CCSER1: variants seen among roughly 807,000 people sequenced by gnomAD.
CCSER1 encodes the protein coiled-coil serine rich protein 1, also known as serine-rich coiled-coil domain-containing protein 1.
Under a neutral mutation model 82.0 loss-of-function variants are expected in CCSER1, and 41 were observed. That is an observed-to-expected ratio of 0.50 (90% confidence interval 0.39 to 0.65). The LOEUF (loss-of-function observed/expected upper bound fraction) is 0.65. Among genes scored for constraint, CCSER1 ranks in the 30% least tolerant of loss-of-function variants. CCSER1 has a pLI of 0.00. For missense variants in CCSER1, 1,119 were observed against 1,064.2 expected, an observed-to-expected ratio of 1.05 and a Z score of -0.72; for synonymous variants, 414 against 383.9, an observed-to-expected ratio of 1.08 and a Z score of -0.92.
intron 9 of CCSER1, among the ~76,000 whole-genome samples, chr4:91,005,097 C>G (rs1037683085): frequency 6.6e-6 from 1 of 152,158 alleles, no homozygotes; most frequent in African/African-American, 2.4e-5. Context: ...TGTTTAAACT[C>G]TGGCATCACC....
At position 90,281,044 on chromosome 4, in the gene CCSER1, C is replaced by A. The variant is rs60074969; in HGVS notation, c.-41-27200C>A. ...TCCAACTTCAAAAGTATTTTAAACACAATGGTCTCATTTTGGTTACTAGAC... is the reference window on the plus strand; with the variant it reads ...TCCAACTTCAAAAGTATTTTAAACAAAATGGTCTCATTTTGGTTACTAGAC... On this transcript the variant is annotated intron_variant, in intron 1 of 10. Transcript: ENST00000509176. 1.4e-3 allele frequency among the ~76,000 whole-genome samples: 215 copies of A among 152,072 alleles called. 2 individuals are homozygous for A. The highest frequency in any genetic ancestry group is 5.1e-3 in the African/African-American group (210 of 41,538).
At chr4:90,364,692 G>T (rs148657843) in intron 3 of CCSER1, among the ~76,000 whole-genome samples, 23 of 151,868 alleles carry the variant, frequency 1.5e-4, no homozygotes, top group African/African-American at 5.5e-4. Context: ...TTAATGTTTT[G>T]TGCCTACCAG....
intron 1 of CCSER1, among the ~76,000 whole-genome samples, chr4:90,262,512 T>C (rs1724517403): frequency 6.6e-6 from 1 of 152,172 alleles, no homozygotes; most frequent in African/African-American, 2.4e-5. Context: ...AAATTTTAAT[T>C]AGTTTTTTCC....
chr4:91,538,195 G>A (rs1348106061), intron 10 of CCSER1, among the ~76,000 whole-genome samples: 1 of 151,842 alleles, frequency 6.6e-6, no homozygotes, highest in Non-Finnish European at 1.5e-5. Context: ...TATGTATGAG[G>A]AATGAGCAAA....
chr4:90,908,356 A>AG (rs1175801309), intron 8 of CCSER1, among the ~76,000 whole-genome samples: 1 of 152,112 alleles, frequency 6.6e-6, no homozygotes, highest in African/African-American at 2.4e-5. Context: ...AATGAGTGTG[A>AG]GGAGAGTCAT....
At chr4:90,625,431 C>T (rs57663300) in intron 5 of CCSER1, among the ~76,000 whole-genome samples, 11,333 of 152,168 alleles carry the variant, frequency 0.074, 528 homozygotes, top group East Asian at 0.17. Flanking sequence ...ATGGCTGTGC[C>T]GGCCTTTGCA....
chr4:90,838,912 G>T (rs758881469), intron 8 of CCSER1: 6 of 1,613,274 alleles, frequency 3.7e-6, no homozygotes, highest in South Asian at 1.1e-5. Context: ...ATTACGATTC[G>T]CCTGCTTGCT....
Position 90,375,538 on chromosome 4 carries a change from G to A in CCSER1, c.1510-24498G>A, listed in dbSNP as rs548568507. 3.3e-5 allele frequency among the ~76,000 whole-genome samples: 5 copies of A among 152,252 alleles called. No homozygotes were observed. In the East Asian group the frequency reaches 5.8e-4, roughly 18 times the overall value. Reference sequence around the variant, plus strand: ...CCACTCCTAGATCCTTCCTCGTAGAGCAAAAGACCCTGCTGTGGCTCTCTT... The same window carrying A: ...CCACTCCTAGATCCTTCCTCGTAGAACAAAAGACCCTGCTGTGGCTCTCTT... On this transcript the variant is annotated intron_variant, in intron 3 of 10. Coordinates refer to ENST00000509176, the MANE Select transcript of CCSER1 (RefSeq NM_001145065.2).
intron 7 of CCSER1, among the ~76,000 whole-genome samples, chr4:90,746,786 T>C (rs1329951219): frequency 2.6e-5 from 4 of 152,234 alleles, no homozygotes; most frequent in Non-Finnish European, 5.9e-5. Flanking sequence ...GTCTGTTTGC[T>C]TAGATTATTC....
intron 10 of CCSER1, among the ~76,000 whole-genome samples, chr4:91,235,492 T>A (rs970010889): frequency 1.3e-5 from 2 of 152,184 alleles, no homozygotes; most frequent in Non-Finnish European, 2.9e-5. Context: ...TTTATAAAAT[T>A]GTGGACAAAG....
chr4:90,562,752 C>T (rs1778924679), intron 5 of CCSER1, among the ~76,000 whole-genome samples: 1 of 151,100 alleles, frequency 6.6e-6, no homozygotes, highest in African/African-American at 2.4e-5. Flanking sequence ...TCCCCACGCT[C>T]GTCTCAAACT....
At chr4:91,451,753 A>C (rs1438357859) in intron 10 of CCSER1, among the ~76,000 whole-genome samples, 1 of 152,054 alleles carries the variant, frequency 6.6e-6, no homozygotes, top group Non-Finnish European at 1.5e-5. Context: ...GGGTGGAATT[A>C]ATAGCAGATT....
At chr4:90,658,981 C>T (rs560707688) in intron 6 of CCSER1, among the ~76,000 whole-genome samples, 2 of 151,886 alleles carry the variant, frequency 1.3e-5, no homozygotes, top group Non-Finnish European at 2.9e-5. Context: ...TATTTTCTTC[C>T]CGTTTTCTTG....
intron 10 of CCSER1, among the ~76,000 whole-genome samples, chr4:91,440,256 A>G (rs1399103045): frequency 6.6e-6 from 1 of 152,178 alleles, no homozygotes; most frequent in Admixed American, 6.5e-5. Flanking sequence ...AGAAATTAGA[A>G]CAAACTGTCT....
At chr4:91,275,427 T>C (rs991088160) in intron 10 of CCSER1, among the ~76,000 whole-genome samples, 1 of 152,196 alleles carries the variant, frequency 6.6e-6, no homozygotes, top group Non-Finnish European at 1.5e-5. Flanking sequence ...ATTCGTGATG[T>C]TGAGCATTTT....
At chr4:91,134,696 G>A (rs1370793913) in intron 10 of CCSER1, among the ~76,000 whole-genome samples, 4 of 152,130 alleles carry the variant, frequency 2.6e-5, no homozygotes, top group Non-Finnish European at 5.9e-5. Flanking sequence ...AATTGATGCA[G>A]ACAACAATCT....
intron 1 of CCSER1, among the ~76,000 whole-genome samples, chr4:90,159,854 T>A (rs1413568677): frequency 3.3e-5 from 5 of 152,248 alleles, no homozygotes; most frequent in African/African-American, 4.8e-5. Flanking sequence ...TTGTTTTATT[T>A]CAGGCATTAT....
chr4:90,364,162 T>G (rs928751175), intron 3 of CCSER1, among the ~76,000 whole-genome samples: 9 of 152,004 alleles, frequency 5.9e-5, no homozygotes, highest in African/African-American at 2.2e-4. Context: ...CACCTACATT[T>G]TTACCCTGAA....
At chr4:91,383,096 A>G (rs1216634666) in intron 10 of CCSER1, among the ~76,000 whole-genome samples, 3 of 152,134 alleles carry the variant, frequency 2.0e-5, no homozygotes, top group Non-Finnish European at 2.9e-5. Context: ...TAGCATAAAC[A>G]TAACTTTTAC....
Sources: allele counts gnomAD v4.1 joint callset (sites outside exome capture counted in the v4.1 genomes callset), GRCh38; gene constraint gnomAD v4.1.1; transcripts MANE v1.5; gene names NCBI Gene and HGNC (gene_info 2026-07-23, HGNC 2026-07-21).